Variants in SH3GLB2 observed in about 807,000 individuals in gnomAD.
The protein encoded by SH3GLB2 is SH3 domain containing GRB2 like, endophilin B2.
In SH3GLB2, 24 loss-of-function variants were observed where a neutral mutation model predicts 48.0. The ratio of observed to expected loss-of-function variants is 0.50; its 90% confidence interval spans 0.36 to 0.70. The LOEUF is 0.70. Ranked by LOEUF, SH3GLB2 falls within the 30% of genes least tolerant of loss-of-function variation. SH3GLB2 has a pLI of 0.00. For missense variants in SH3GLB2, 425 were observed against 516.0 expected, an observed-to-expected ratio of 0.82 and a Z score of 1.71; for synonymous variants, 227 against 207.6, an observed-to-expected ratio of 1.09 and a Z score of -0.80.
intron 1 of SH3GLB2, among the ~76,000 whole-genome samples, chr9:129,026,597 G>A (rs1232905375): frequency 1.4e-5 from 2 of 145,944 alleles, no homozygotes; most frequent in Non-Finnish European, 3.0e-5. Flanking sequence ...TCCAGTAACA[G>A]TGACCCTGTG....
At chr9:129,020,533 C>T (rs551829981) in intron 3 of SH3GLB2, among the ~76,000 whole-genome samples, 23 of 146,986 alleles carry the variant, frequency 1.6e-4, no homozygotes, top group Non-Finnish European at 2.2e-4. Context: ...ATCGCACCAC[C>T]GCACTCCAGC....
At chr9:129,013,312 A>G in intron 5 of SH3GLB2, 1 of 491,216 alleles carries the variant, frequency 2.0e-6, no homozygotes. Context: ...CAGGCCCACC[A>G]GGTGAGGGAG....
In SH3GLB2 at chr9:129,028,247, C is replaced by G; in HGVS notation, c.-93G>C. 1.1e-6 allele frequency: 1 copy of G among 872,942 alleles called. No individual in the cohort carries two copies. The highest frequency in any genetic ancestry group is 1.4e-6 in the Non-Finnish European group (1 of 718,206). The allele number at this position is 872,942 out of a possible 1,614,324, so 54.1% of individuals were successfully genotyped here. On this transcript the variant is annotated 5_prime_UTR_variant, in exon 1 of 11. Coordinates refer to ENST00000372564, the MANE Select transcript of SH3GLB2 (RefSeq NM_020145.4). ...CCAACCGCACCCCGCCCACCTGCTGCGGGGCACCAGCCCTCCGCGCACCCG... is the reference window on the plus strand; with the variant it reads ...CCAACCGCACCCCGCCCACCTGCTGGGGGGCACCAGCCCTCCGCGCACCCG...
In SH3GLB2 at chr9:129,028,274, C is replaced by G. The variant is rs1844285897; in HGVS notation, c.-120G>C. The G allele has an allele frequency of 2.8e-5, 17 of 610,234 alleles. No homozygotes were observed. Among genetic ancestry groups the G allele is most frequent in the Non-Finnish European group, 3.3e-5 (16 of 489,854 alleles). The allele number at this position is 610,234 out of a possible 1,614,324, so 37.8% of individuals were successfully genotyped here. A position where few individuals can be genotyped will look rare whatever the true frequency, so the allele number is the denominator to read the frequency against. On this transcript the variant is annotated 5_prime_UTR_variant, in exon 1 of 11. Transcript: ENST00000372564. ...GGGCACCAGCCCTCCGCGCACCCGCCTGCCGGCCTGCCCGCCTGCCCGCCC... is the reference window on the plus strand; with the variant it reads ...GGGCACCAGCCCTCCGCGCACCCGCGTGCCGGCCTGCCCGCCTGCCCGCCC...
chr9:129,013,195 G>T (rs913932994), intron 5 of SH3GLB2: 2 of 673,394 alleles, frequency 3.0e-6, no homozygotes, highest in African/African-American at 3.6e-5. Context: ...GCGTGCTTAT[G>T]GGGACAGAGC....
chr9:129,010,420 C>T (rs1005150298), intron 7 of SH3GLB2: 6 of 639,024 alleles, frequency 9.4e-6, no homozygotes, highest in African/African-American at 9.2e-5. Context: ...AGTGACAGAC[C>T]CTTCCTCCAT....
intron 2 of SH3GLB2, 131 bp downstream of exon 2, chr9:129,022,151 C>G (rs1564585010): frequency 4.3e-6 from 6 of 1,386,410 alleles, no homozygotes; most frequent in Non-Finnish European, 5.8e-6. Flanking sequence ...CTTCAACAGC[C>G]TTGAGCCCAA....
intron 9 of SH3GLB2, 73 bp from the exon 10 acceptor site, chr9:129,009,419 C>T (rs1386833734): frequency 6.5e-7 from 1 of 1,550,302 alleles, no homozygotes; most frequent in African/African-American, 1.4e-5. Context: ...CCCTCCCCAG[C>T]CCCAGGAGCC....
Position 129,010,144 on chromosome 9 carries a change from C to G in SH3GLB2, c.714G>C (p.Leu238Phe). 1 of 1,614,068 alleles carries G rather than the reference C, an allele frequency of 6.2e-7. No homozygotes were observed. Among genetic ancestry groups the G allele is most frequent in the Non-Finnish European group, 8.5e-7 (1 of 1,179,998 alleles). ...CGTGAGTGCTACTGATTCCCTCCAG[C>G]AAGAGACGGGTCACTTCTGCTTGCC... The part of the protein sequence containing the change: ...FDRQAEVTRL[L>F]LEGISSTHVN... Residue 238 changes from leucine to phenylalanine, a missense_variant, in exon 8 of 11, where the codon TTG (leucine) becomes TTC (phenylalanine). Transcript: ENST00000372564.
Position 129,008,374 on chromosome 9 carries a change from C to G in SH3GLB2, c.*310G>C. On this transcript the variant is annotated 3_prime_UTR_variant, in exon 11 of 11. Transcript: ENST00000372564. ...CTGAGCCCATCTGCGGCGGCCCCAC[C>G]CTGGCCTAGGTGCTGAGTGCAGCTG... 2.9e-6 allele frequency: 1 copy of G among 341,786 alleles called. No homozygotes were observed. The highest frequency in any genetic ancestry group is 5.7e-6 in the Non-Finnish European group (1 of 176,336). 21.2% of individuals were successfully genotyped at this position (341,786 alleles called of 1,614,324 possible). A position where few individuals can be genotyped will look rare whatever the true frequency, so the allele number is the denominator to read the frequency against.
At chr9:129,012,198 G>C in intron 6 of SH3GLB2, 38 bp downstream of exon 6, 1 of 1,209,708 alleles carries the variant, frequency 8.3e-7, no homozygotes, top group Non-Finnish European at 1.0e-6. Context: ...TGGGGAGAGA[G>C]GAGGACGAGG....
rs529978003 is a variant in SH3GLB2 at position 129,028,161 on chromosome 9, C to G, written c.-7G>C. The G allele has an allele frequency of 6.9e-7, 1 of 1,446,494 alleles. No individual in the cohort carries two copies. Among genetic ancestry groups the G allele is most frequent in the Non-Finnish European group, 9.1e-7 (1 of 1,097,920 alleles). The allele number at this position is 1,446,494 out of a possible 1,614,324, so 89.6% of individuals were successfully genotyped here. A position where few individuals can be genotyped will look rare whatever the true frequency, so the allele number is the denominator to read the frequency against. ...TCTTCATGTTGAAGTCCATGGCGTGCCCGCACGGCCGCCGCGCACGGCCCG... is the reference window on the plus strand; with the variant it reads ...TCTTCATGTTGAAGTCCATGGCGTGGCCGCACGGCCGCCGCGCACGGCCCG... On this transcript the variant is annotated 5_prime_UTR_variant, in exon 1 of 11. Coordinates refer to ENST00000372564, the MANE Select transcript of SH3GLB2 (RefSeq NM_020145.4).
intron 5 of SH3GLB2, chr9:129,013,650 C>G (rs1843250907): frequency 5.3e-6 from 1 of 189,964 alleles, no homozygotes; most frequent in African/African-American, 2.4e-5. Flanking sequence ...CAGGCTAGGC[C>G]TGGCCTCCCT....
chr9:129,028,038 C>T, intron 1 of SH3GLB2, 54 bp downstream of exon 1: 2 of 1,475,344 alleles, frequency 1.4e-6, no homozygotes, highest in Non-Finnish European at 1.8e-6. Flanking sequence ...GCAGGGTGCT[C>T]CCCGCCCGCC....
intron 7 of SH3GLB2, 23 bp from the exon 8 acceptor site, chr9:129,010,232 G>A: frequency 6.2e-7 from 1 of 1,606,392 alleles, no homozygotes; most frequent in Non-Finnish European, 8.5e-7. Flanking sequence ...GGGCAGCCAT[G>A]AGCACCCACA....
At position 129,010,113 on chromosome 9, in the gene SH3GLB2, G is replaced by T. The variant is rs760967435; in HGVS notation, c.738+7C>A. ...TAGGTTTAGTGAGGGTGGGCAGTGG[G>T]ACTCACGTGAGTGCTACTGATTCCC... is the stretch of plus-strand genomic sequence containing the variant. On this transcript the variant is annotated splice_region_variant and intron_variant, in intron 8 of 10. Coordinates refer to ENST00000372564, the MANE Select transcript of SH3GLB2 (RefSeq NM_020145.4). The T allele has an allele frequency of 1.2e-6, 2 of 1,612,322 alleles. No individual in the cohort carries two copies. Among genetic ancestry groups the T allele is most frequent in the Non-Finnish European group, 1.7e-6 (2 of 1,178,458 alleles).
rs1319526063 is a variant in SH3GLB2, at chr9:129,009,856, A to G, written c.754T>C (p.Cys252Arg). Reference protein sequence around the residue: ...ISSTHVNHLRCLHEFVKSQTT... With the variant: ...ISSTHVNHLRRLHEFVKSQTT... ...TGAGACTTGACGAACTCGTGGAGGC[A>G]GCGCAGGTGGTTCACCTGCGGGGAA... Residue 252 changes from cysteine (C) to arginine (R), a missense_variant, in exon 9 of 11, where the codon TGC becomes CGC. Cys to Arg is a radical substitution (Grantham distance 180). Coordinates refer to ENST00000372564, the MANE Select transcript of SH3GLB2 (RefSeq NM_020145.4). The G allele has an allele frequency of 6.2e-7, 1 of 1,613,830 alleles. No individual in the cohort carries two copies. Among genetic ancestry groups the G allele is most frequent in the Admixed American group, 1.7e-5 (1 of 59,946 alleles).
chr9:129,010,850 G>A (rs1022960550), intron 6 of SH3GLB2, 157 bp from the exon 7 acceptor site: 34 of 869,538 alleles, frequency 3.9e-5, no homozygotes, highest in African/African-American at 1.5e-4. Flanking sequence ...GCCGAGGCCC[G>A]GCATGGGAGC....
At chr9:129,025,445 A>G (rs1253335865) in intron 1 of SH3GLB2, among the ~76,000 whole-genome samples, 2 of 151,714 alleles carry the variant, frequency 1.3e-5, no homozygotes, top group Non-Finnish European at 2.9e-5. Context: ...AGGTGCCTAT[A>G]ATCCCAGTTA....
Sources: allele counts gnomAD v4.1 joint callset (sites outside exome capture counted in the v4.1 genomes callset), GRCh38; gene constraint gnomAD v4.1.1; transcripts MANE v1.5; gene names NCBI Gene and HGNC (gene_info 2026-07-23, HGNC 2026-07-21).